XKR4: variants seen among roughly 807,000 people sequenced by gnomAD.
XKR4 encodes XK related 4.
XKR4 carries 12 observed loss-of-function variants against 53.9 expected under a neutral mutation model. That is an observed-to-expected ratio of 0.22 (90% CI 0.14 to 0.36). The LOEUF (loss-of-function observed/expected upper bound fraction) is 0.36, where lower values mean the gene tolerates loss of function less well. Ranked by LOEUF, XKR4 falls within the 10% of genes least tolerant of loss-of-function variation. The pLI, the probability that XKR4 is intolerant of heterozygous loss-of-function variation, is 1.00. For missense variants in XKR4, 799 were observed against 859.5 expected (o/e 0.93, Z 0.88); for synonymous variants, 354 against 362.4 (o/e 0.98, Z 0.26).
intron 2 of XKR4, among the ~76,000 whole-genome samples, chr8:55,366,425 G>C (rs1164403518): frequency 1.3e-5 from 2 of 152,200 alleles, no homozygotes; most frequent in African/African-American, 4.8e-5. Flanking sequence ...CTAGATCATG[G>C]AGGTTGTGTC....
rs116425769 is a variant in XKR4 at position 55,339,967 on chromosome 8, C to G, written c.807-17711C>G. ...AAAGAAAATCAAGTCTTATTGTCCACTGGTGTTGCTAAATTGAATCCAAAG... is the reference window on the plus strand; with the variant it reads ...AAAGAAAATCAAGTCTTATTGTCCAGTGGTGTTGCTAAATTGAATCCAAAG... On this transcript the variant is annotated intron_variant, in intron 1 of 2. Transcript: ENST00000327381. Among the ~76,000 whole-genome samples the G allele has an allele frequency of 2.2e-3, 332 of 152,266 alleles. 1 individual carries two copies. Among genetic ancestry groups the G allele is most frequent in the African/African-American group, 7.7e-3 (318 of 41,544 alleles).
chr8:55,316,927 ACAG>A (rs1481897464), intron 1 of XKR4, among the ~76,000 whole-genome samples: 8 of 152,218 alleles, frequency 5.3e-5, no homozygotes, highest in African/African-American at 1.9e-4. Context: ...TAAGGGAATA[ACAG>A]AAGTATATCG....
Position 55,530,792 on chromosome 8 carries a change from T to C in XKR4, c.*6565T>C. The stretch of plus-strand genomic sequence containing the variant: ...TCTAAGTATTGCTTTATCACTTTAT[T>C]TTATAGATGAGACAACTGAGATCCA... On this transcript the variant is annotated 3_prime_UTR_variant, in exon 3 of 3. Transcript: ENST00000327381. 1 of 152,204 alleles carries C rather than the reference T, an allele frequency of 6.6e-6. No individual in the cohort carries two copies. Among genetic ancestry groups the C allele is most frequent in the African/African-American group, 2.4e-5 (1 of 41,454 alleles). The allele number at this position is 152,204 out of a possible 1,614,324, so 9.4% of individuals were successfully genotyped here.
chr8:55,110,391 T>G (rs1424885390), intron 1 of XKR4, among the ~76,000 whole-genome samples: 1 of 152,124 alleles, frequency 6.6e-6, no homozygotes. Context: ...CTAGTGGTTG[T>G]GGAACTTAAG....
chr8:55,311,884 A>G (rs530479818), intron 1 of XKR4, among the ~76,000 whole-genome samples: 125 of 151,810 alleles, frequency 8.2e-4, no homozygotes, highest in African/African-American at 2.8e-3. Context: ...ACTAAACACA[A>G]GAAGAGCTTC....
At chr8:55,341,008 A>T (rs1803536788) in intron 1 of XKR4, among the ~76,000 whole-genome samples, 1 of 152,184 alleles carries the variant, frequency 6.6e-6, no homozygotes, top group Non-Finnish European at 1.5e-5. Context: ...GGGGTGTTTG[A>T]GCATGGAACT....
intron 2 of XKR4, among the ~76,000 whole-genome samples, chr8:55,493,007 T>C (rs910643794): frequency 1.3e-5 from 2 of 152,202 alleles, no homozygotes; most frequent in Non-Finnish European, 2.9e-5. Flanking sequence ...ATTGTAACTA[T>C]GCCAACAATG....
chr8:55,449,680 C>T (rs888048749), intron 2 of XKR4: 1 of 881,598 alleles, frequency 1.1e-6, no homozygotes, highest in Admixed American at 1.7e-5. Flanking sequence ...CAGCCTCCAC[C>T]TCCACCTCCA....
chr8:55,387,629 C>T (rs1305506669), intron 2 of XKR4, among the ~76,000 whole-genome samples: 1 of 152,172 alleles, frequency 6.6e-6, no homozygotes, highest in East Asian at 1.9e-4. Context: ...GGACATAGAC[C>T]TTCTGCCCTC....
chr8:55,376,912 C>T, intron 2 of XKR4, among the ~76,000 whole-genome samples: 1 of 151,406 alleles, frequency 6.6e-6, no homozygotes, highest in East Asian at 1.9e-4. Flanking sequence ...GTCTCTACCT[C>T]TCTCTCCATA....
intron 1 of XKR4, among the ~76,000 whole-genome samples, chr8:55,235,152 C>T: frequency 6.6e-6 from 1 of 152,168 alleles, no homozygotes. Context: ...TCCTGGTGCT[C>T]GTTGGCATCA....
intron 1 of XKR4, among the ~76,000 whole-genome samples, chr8:55,114,749 CAA>C (rs1199594669): frequency 6.6e-6 from 1 of 152,170 alleles, no homozygotes; most frequent in African/African-American, 2.4e-5. Context: ...TCAGGGACGT[CAA>C]CTGCCTGCAA....
chr8:55,311,784 A>T (rs972433434), intron 1 of XKR4, among the ~76,000 whole-genome samples: 1 of 149,104 alleles, frequency 6.7e-6, no homozygotes, highest in Non-Finnish European at 1.5e-5. Context: ...GTAAAAGAAA[A>T]GTCATATAGA....
intron 1 of XKR4, among the ~76,000 whole-genome samples, chr8:55,337,525 G>C (rs1022988490): frequency 6.6e-6 from 1 of 152,138 alleles, no homozygotes; most frequent in Non-Finnish European, 1.5e-5. Flanking sequence ...CTTGTTGCCA[G>C]TTTATGCCTG....
intron 1 of XKR4, among the ~76,000 whole-genome samples, chr8:55,282,614 G>A (rs1818858137): frequency 6.6e-6 from 1 of 152,146 alleles, no homozygotes; most frequent in Non-Finnish European, 1.5e-5. Flanking sequence ...CTCTGAGGAT[G>A]GCACCAAGCC....
At chr8:55,436,103 A>G (rs1358827453) in intron 2 of XKR4, among the ~76,000 whole-genome samples, 1 of 152,140 alleles carries the variant, frequency 6.6e-6, no homozygotes, top group Non-Finnish European at 1.5e-5. Flanking sequence ...TTCTCTCTCA[A>G]TGTTAATCTT....
intron 1 of XKR4, among the ~76,000 whole-genome samples, chr8:55,106,956 CA>C (rs1234726028): frequency 3.3e-5 from 5 of 152,140 alleles, no homozygotes; most frequent in Admixed American, 6.5e-5. Context: ...CAAAGTTAAA[CA>C]GCTCTCTCTA....
chr8:55,195,661 T>C (rs567505390), intron 1 of XKR4, among the ~76,000 whole-genome samples: 1 of 152,210 alleles, frequency 6.6e-6, no homozygotes, highest in South Asian at 2.1e-4. Flanking sequence ...ATTGTAGAAG[T>C]TAAAATTGAA....
chr8:55,124,609 A>G (rs1554561217), intron 1 of XKR4, among the ~76,000 whole-genome samples: 1 of 152,266 alleles, frequency 6.6e-6, no homozygotes, highest in Non-Finnish European at 1.5e-5. Flanking sequence ...GTTGAGCTTC[A>G]GAGGAGCTTT....
Sources: gnomAD v4.1 joint callset for allele counts (sites outside exome capture counted in the v4.1 genomes callset) on GRCh38, gnomAD v4.1.1 for gene constraint, MANE v1.5 for transcripts, NCBI Gene and HGNC (gene_info 2026-07-23, HGNC 2026-07-21) for gene names.